Variants in PRKD2 observed in about 807,000 individuals in gnomAD.
PRKD2 encodes protein kinase D2, also known as serine/threonine-protein kinase D2.
PRKD2 carries 22 observed loss-of-function variants against 86.0 expected under a neutral mutation model. The ratio of observed to expected loss-of-function variants is 0.26; its 90% CI spans 0.18 to 0.37. PRKD2 has a LOEUF of 0.37. Ranked by LOEUF, PRKD2 falls within the 10% of genes least tolerant of loss-of-function variation. PRKD2 has a pLI of 1.00. For synonymous variants in PRKD2, 509 were observed against 510.9 expected, an observed-to-expected ratio of 1.00 and a Z score of 0.05; for missense variants, 818 against 1,199.2, an observed-to-expected ratio of 0.68 and a Z score of 4.70.
At chr19:46,692,670 G>A (rs2053500475) in intron 10 of PRKD2, among the ~76,000 whole-genome samples, 1 of 151,956 alleles carries the variant, frequency 6.6e-6, no homozygotes, top group Non-Finnish European at 1.5e-5. Context: ...CCCCTTAAAT[G>A]GCCTAAAAGC....
chr19:46,702,503 C>G (rs10411262), intron 5 of PRKD2, among the ~76,000 whole-genome samples: 90,341 of 151,838 alleles, frequency 0.59, 27,245 homozygotes, highest in African/African-American at 0.69. Context: ...TTCTAGGCTT[C>G]TCTACCTCCA....
chr19:46,682,363 C>G (rs1679847092), intron 14 of PRKD2, among the ~76,000 whole-genome samples: 1 of 152,038 alleles, frequency 6.6e-6, no homozygotes, highest in African/African-American at 2.4e-5. Context: ...CCATGTTGAC[C>G]AGGCTGGTCT....
intron 3 of PRKD2, among the ~76,000 whole-genome samples, chr19:46,710,123 T>C (rs1415527128): frequency 6.6e-6 from 1 of 151,978 alleles, no homozygotes; most frequent in Non-Finnish European, 1.5e-5. Flanking sequence ...GGTCTCAATC[T>C]CCTGACCTCG....
intron 3 of PRKD2, 114 bp from the exon 4 acceptor site, chr19:46,704,763 C>A: frequency 1.5e-6 from 2 of 1,341,088 alleles, no homozygotes; most frequent in Non-Finnish European, 2.0e-6. Flanking sequence ...CATCACCCCC[C>A]GCCAGCACGA....
chr19:46,716,107 G>T lies in PRKD2; in HGVS notation c.240+24C>A. 1 of 1,605,662 alleles carries T rather than the reference G, an allele frequency of 6.2e-7. No individual in the cohort carries two copies. Among genetic ancestry groups the T allele is most frequent in the Non-Finnish European group, 8.5e-7 (1 of 1,176,840 alleles). ...CCTCCTTCAACCTCTCCCCGAGCTG[G>T]ATCCAGGGAGCCTGCGCCCTCACCT... On this transcript the variant is annotated intron_variant, in intron 1 of 17. Transcript: ENST00000291281. The surrounding 1 kb of genome is among the most constrained non-coding windows in gnomAD (Gnocchi z 7.9).
chr19:46,711,720 A>G (rs1276113961), intron 2 of PRKD2, among the ~76,000 whole-genome samples: 2 of 152,250 alleles, frequency 1.3e-5, no homozygotes, highest in East Asian at 3.9e-4. Flanking sequence ...TGTTATGTAT[A>G]TTTTACCAAA....
Position 46,700,899 on chromosome 19 carries a change from T to A in PRKD2, c.1021A>T (p.Met341Leu). Residue 341 changes from methionine to leucine, a missense_variant, in exon 7 of 18, where the codon ATG (methionine) becomes TTG (leucine). Met to Leu is a conservative substitution (Grantham distance 15, BLOSUM62 2). Around this residue, in one of 5 missense-constraint regions of PRKD2, gnomAD observed 403 missense variants for 518.6 expected, o/e 0.78. Coordinates refer to ENST00000291281, the MANE Select transcript of PRKD2 (RefSeq NM_016457.5). ...DFSEADKSAL[M>L]DESEDSGVIP... ...ACACCGGAGTCCTCTGACTCATCCA[T>A]GAGGGCGCTCTTGTCAGCCTCGCTG... is the stretch of plus-strand genomic sequence containing the variant. 3.1e-6 allele frequency: 5 copies of A among 1,614,238 alleles called. No homozygotes were observed. Among genetic ancestry groups the A allele is most frequent in the African/African-American group, 2.7e-5 (2 of 75,068 alleles).
At chr19:46,688,432 TA>T (rs2053431812) in intron 14 of PRKD2, among the ~76,000 whole-genome samples, 1 of 148,898 alleles carries the variant, frequency 6.7e-6, no homozygotes, top group Non-Finnish European at 1.5e-5. Context: ...TTATTATTAT[TA>T]TTATTATTAT....
At chr19:46,709,077 A>G (rs1323262470) in intron 3 of PRKD2, among the ~76,000 whole-genome samples, 1 of 150,938 alleles carries the variant, frequency 6.6e-6, no homozygotes, top group African/African-American at 2.4e-5. Context: ...CCTGGGTTCA[A>G]GTGATTCTCC....
chr19:46,695,411 A>G (rs1011559887), intron 9 of PRKD2, among the ~76,000 whole-genome samples: 1 of 152,236 alleles, frequency 6.6e-6, no homozygotes, highest in African/African-American at 2.4e-5. Flanking sequence ...TGAACCCCGG[A>G]GGCGGAGGTT....
At chr19:46,698,482 C>A (rs933466677) in intron 7 of PRKD2, among the ~76,000 whole-genome samples, 1 of 152,204 alleles carries the variant, frequency 6.6e-6, no homozygotes, top group Non-Finnish European at 1.5e-5. Context: ...GAATGGAAAC[C>A]TTTCTACGGA....
At chr19:46,686,391 C>T (rs1346672531) in intron 14 of PRKD2, among the ~76,000 whole-genome samples, 1 of 150,642 alleles carries the variant, frequency 6.6e-6, no homozygotes, top group Non-Finnish European at 1.5e-5. Context: ...TTCCAGCTAA[C>T]TCAGGAGACT....
At chr19:46,713,616 TA>T (rs1239995295) in intron 2 of PRKD2, among the ~76,000 whole-genome samples, 1 of 149,754 alleles carries the variant, frequency 6.7e-6, no homozygotes, top group Non-Finnish European at 1.5e-5. Flanking sequence ...CAACTCTCCT[TA>T]TTTTTTTTTT....
intron 5 of PRKD2, 143 bp downstream of exon 5, chr19:46,704,026 T>C: frequency 8.2e-7 from 1 of 1,213,946 alleles, no homozygotes; most frequent in South Asian, 1.5e-5. Flanking sequence ...ATTCCAAAGG[T>C]CCCAGAACAC....
chr19:46,707,806 G>C (rs2053736351), intron 3 of PRKD2, among the ~76,000 whole-genome samples: 1 of 151,964 alleles, frequency 6.6e-6, no homozygotes, highest in African/African-American at 2.4e-5. Flanking sequence ...TTAAAGAACT[G>C]TATGTTTTGG....
At position 46,710,989 on chromosome 19, in the gene PRKD2, C is replaced by T. The variant is rs1412962935; in HGVS notation, c.429G>A (p.Val143=). ...DFQIRPHALT[V]HSYRAPAFCD... ...AGAAGGCAGGCGCCCGATAGGAGTG[C>T]ACCGTGAGGGCGTGCGGGCGGATCT... The change falls in exon 3 of 18, where the codon GTG becomes GTA. Residue 143 remains valine, a synonymous_variant. Transcript: ENST00000291281. 4 of 1,579,068 alleles carry T rather than the reference C, an allele frequency of 2.5e-6. No individual in the cohort carries two copies. Among genetic ancestry groups the T allele is most frequent in the Admixed American group, 1.8e-5 (1 of 54,620 alleles).
intron 12 of PRKD2, 50 bp from the exon 13 acceptor site, chr19:46,690,756 T>C: frequency 6.6e-7 from 1 of 1,525,162 alleles, no homozygotes; most frequent in South Asian, 1.1e-5. Context: ...GACCACCCAG[T>C]CCTGGCAGGA....
intron 5 of PRKD2, among the ~76,000 whole-genome samples, chr19:46,701,958 G>A (rs1400792429): frequency 2.6e-5 from 4 of 151,626 alleles, no homozygotes; most frequent in South Asian, 4.1e-4. Flanking sequence ...GTGTTTCCAC[G>A]GTTCTAGGGA....
Position 46,678,451 on chromosome 19 carries a change from G to A in PRKD2, c.2283C>T (p.Ile761=), listed in dbSNP as rs754736557. ...FNEDEDINDQ[I]QNAAFMYPAS... is the part of the protein sequence containing the mutation. ...CCGGGTACATGAAGGCGGCGTTCTG[G>A]ATCTGGTCATTGATGTCCTCATCCT... Residue 761 remains isoleucine, a synonymous_variant, in exon 16 of 18, where the codon ATC becomes ATT. Coordinates refer to ENST00000291281, the MANE Select transcript of PRKD2 (RefSeq NM_016457.5). This position sits in a 1 kb window ranked among gnomAD's most constrained non-coding sequence, Gnocchi z 5.7. The A allele has an allele frequency of 7.4e-6, 12 of 1,614,102 alleles. No homozygotes were observed. The highest frequency in any genetic ancestry group is 1.0e-5 in the Non-Finnish European group (12 of 1,180,056).
Sources: allele counts gnomAD v4.1 joint callset (sites outside exome capture counted in the v4.1 genomes callset), GRCh38; gene constraint gnomAD v4.1.1; regional missense constraint gnomAD v4.1.1; non-coding constraint Gnocchi (gnomAD v3.1); transcripts MANE v1.5; gene names NCBI Gene and HGNC (gene_info 2026-07-23, HGNC 2026-07-21).